RPS19: variants seen among roughly 807,000 people sequenced by gnomAD.
RPS19 encodes the protein small ribosomal subunit protein eS19.
A neutral mutation model predicts 20.3 loss-of-function variants in RPS19; 1 was observed. The ratio of observed to expected loss-of-function variants is 0.05; its 90% CI spans 0.02 to 0.23. The LOEUF (loss-of-function observed/expected upper bound fraction) is 0.23. RPS19 is among the 10% of genes least tolerant of loss of function. RPS19 has a pLI of 1.00. For missense variants in RPS19, 111 were observed against 192.7 expected (o/e 0.58, Z 2.51); for synonymous variants, 87 against 74.8 (o/e 1.16, Z -0.84).
chr19:41,871,490 C>T lies in RPS19; in HGVS notation c.*113C>T, dbSNP rs1555842030. The stretch of plus-strand genomic sequence containing the variant: ...GGAGTGCAGTGGCGCCATCTCAGCT[C>T]ACTGCAATCTCCGCCTTCTGGGTTC... On this transcript the variant is annotated 3_prime_UTR_variant, in exon 6 of 6. Coordinates refer to ENST00000598742, the MANE Select transcript of RPS19 (RefSeq NM_001022.4). 4 of 889,266 alleles carry T rather than the reference C, an allele frequency of 4.5e-6. No individual in the cohort carries two copies. In the Admixed American group the frequency reaches 7.3e-5, roughly 16 times the overall value. 55.1% of individuals were successfully genotyped at this position (889,266 alleles called of 1,614,324 possible). A position where few individuals can be genotyped will look rare whatever the true frequency, so the allele number is the denominator to read the frequency against.
At chr19:41,869,623 C>T in intron 4 of RPS19, 76 bp from the exon 5 acceptor site, 1 of 1,530,404 alleles carries the variant, frequency 6.5e-7, no homozygotes. Flanking sequence ...AGAAGCCTGG[C>T]TCACAGCCAG....
At position 41,871,811 on chromosome 19, in the gene RPS19, T is replaced by C; in HGVS notation, c.*434T>C. 8.9e-6 allele frequency: 2 copies of C among 224,410 alleles called. No individual in the cohort carries two copies. The highest frequency in any genetic ancestry group is 1.8e-5 in the Non-Finnish European group (2 of 110,340). 13.9% of individuals were successfully genotyped at this position (224,410 alleles called of 1,614,324 possible). On this transcript the variant is annotated 3_prime_UTR_variant, in exon 6 of 6. Coordinates refer to ENST00000598742, the MANE Select transcript of RPS19 (RefSeq NM_001022.4). ...TGTCAGAAAGTGAGAAACGAAAGGA[T>C]GGCTGTGAGCTGTGACCTCAGCTGG...
rs1302260866 is a variant in RPS19, at chr19:41,869,203, G to A, written c.345G>A (p.Lys115=). The change falls in exon 4 of 6, where the codon AAG becomes AAA. Residue 115 remains lysine (K), a synonymous_variant. Coordinates refer to ENST00000598742, the MANE Select transcript of RPS19 (RefSeq NM_001022.4). ...QALEGLKMVE[K]DQDGGRKLTP... ...TGGAGGGGCTGAAAATGGTGGAAAA[G>A]GACCAAGATGGGTAAGCAGGGTAGA... The A allele has an allele frequency of 6.2e-7, 1 of 1,613,440 alleles. No homozygotes were observed. The highest frequency in any genetic ancestry group is 8.5e-7 in the Non-Finnish European group (1 of 1,179,782).
intron 3 of RPS19, chr19:41,864,112 A>G (rs1455527265): frequency 2.0e-5 from 3 of 152,164 alleles, no homozygotes; most frequent in Non-Finnish European, 4.4e-5. Context: ...AAGTGCTGGG[A>G]TTACAGGCAT....
chr19:41,862,326 C>G (rs2074040593), intron 3 of RPS19, among the ~76,000 whole-genome samples: 1 of 152,180 alleles, frequency 6.6e-6, no homozygotes, highest in African/African-American at 2.4e-5. Context: ...TCAGCCGCGG[C>G]CTCTGAGGAC....
rs1212559488 is a variant in RPS19 at position 41,872,855 on chromosome 19, A to G, written c.*1478A>G. ...GGTTGCAGTGGGTTGAGATCGAGCA[A>G]TTGCAATCCAGCCTGGGCAACAGAG... On this transcript the variant is annotated 3_prime_UTR_variant, in exon 6 of 6. Transcript: ENST00000598742. The G allele has an allele frequency of 6.6e-6, 1 of 152,212 alleles. No homozygotes were observed. The highest frequency in any genetic ancestry group is 1.5e-5 in the Non-Finnish European group (1 of 68,040). 9.4% of individuals were successfully genotyped at this position (152,212 alleles called of 1,614,324 possible). A position where few individuals can be genotyped will look rare whatever the true frequency, so the allele number is the denominator to read the frequency against.
chr19:41,862,245 A>G (rs1181762453), intron 3 of RPS19, among the ~76,000 whole-genome samples: 1 of 152,208 alleles, frequency 6.6e-6, no homozygotes, highest in Non-Finnish European at 1.5e-5. Context: ...TTTGTGGTAC[A>G]CTTGTGCCTC....
At chr19:41,869,519 C>T in intron 4 of RPS19, 180 bp from the exon 5 acceptor site, 1 of 646,292 alleles carries the variant, frequency 1.5e-6, no homozygotes, top group Non-Finnish European at 2.7e-6. Context: ...ACCCCGTCAG[C>T]TCCCAGGGGG....
intron 3 of RPS19, among the ~76,000 whole-genome samples, chr19:41,866,535 G>T (rs953290543): frequency 6.6e-6 from 1 of 152,176 alleles, no homozygotes; most frequent in Non-Finnish European, 1.5e-5. Flanking sequence ...AGTGGCGTAG[G>T]GGGTAGGGCC....
rs116786867 is a variant in RPS19, at chr19:41,861,268, A to G, written c.172+56A>G. 5.2e-4 allele frequency: 662 copies of G among 1,271,802 alleles called. 3 individuals carry two copies. Among genetic ancestry groups the G allele is most frequent in the African/African-American group, 3.9e-3 (266 of 68,282 alleles). The allele number at this position is 1,271,802 out of a possible 1,614,324, so 78.8% of individuals were successfully genotyped here. ...GGGGAGCTGGGTGACCCCTGGCACA[A>G]ACCATACTTCCCTGTCTCCTCTGAG... On this transcript the variant is annotated intron_variant, in intron 3 of 5. Coordinates refer to ENST00000598742, the MANE Select transcript of RPS19 (RefSeq NM_001022.4).
intron 1 of RPS19, chr19:41,860,568 CTG>C: frequency 3.1e-6 from 2 of 637,410 alleles, no homozygotes; most frequent in Non-Finnish European, 5.7e-6. Context: ...GGGCCGGGCT[CTG>C]TTAGTGCGAT....
At chr19:41,864,712 A>G (rs2074067142) in intron 3 of RPS19, 2 of 152,298 alleles carry the variant, frequency 1.3e-5, no homozygotes, top group African/African-American at 4.8e-5. Context: ...GTGGGTTGCC[A>G]TCCCAAGAAT....
At chr19:41,865,381 AC>A (rs1391257841) in intron 3 of RPS19, among the ~76,000 whole-genome samples, 2 of 148,070 alleles carry the variant, frequency 1.4e-5, no homozygotes, top group Non-Finnish European at 3.0e-5. Flanking sequence ...AAAAAAAAGC[AC>A]CTAATAGGCC....
intron 3 of RPS19, among the ~76,000 whole-genome samples, chr19:41,861,797 C>G (rs1401165226): frequency 6.6e-6 from 1 of 152,172 alleles, no homozygotes; most frequent in Non-Finnish European, 1.5e-5. Context: ...GAGATCTGGC[C>G]AGGTCAGTCC....
intron 4 of RPS19, 102 bp from the exon 5 acceptor site, chr19:41,869,597 G>T: frequency 7.8e-7 from 1 of 1,289,366 alleles, no homozygotes. Context: ...CTTGGCTGGC[G>T]GCAGGTGGCT....
Position 41,861,225 on chromosome 19 carries a change from G to GGTCT in RPS19, c.172+14_172+17dup. ...TACACGCGAGCTGGTGAGGAACTTAGGTCTTTGGCTGGAGAGTGGGGAGCT... is the reference window on the plus strand; with the variant it reads ...TACACGCGAGCTGGTGAGGAACTTAGGTCTGTCTTTGGCTGGAGAGTGGGGAGCT... On this transcript the variant is annotated intron_variant, in intron 3 of 5. Coordinates refer to ENST00000598742, the MANE Select transcript of RPS19 (RefSeq NM_001022.4). The GGTCT allele has an allele frequency of 6.2e-7, 1 of 1,604,276 alleles. No homozygotes were observed. Among genetic ancestry groups the GGTCT allele is most frequent in the Non-Finnish European group, 8.5e-7 (1 of 1,171,172 alleles).
chr19:41,869,530 G>C, intron 4 of RPS19, 169 bp from the exon 5 acceptor site: 1 of 673,378 alleles, frequency 1.5e-6, no homozygotes, highest in African/African-American at 1.8e-5. Context: ...TCCCAGGGGG[G>C]CTCCCACTAC....
At chr19:41,866,748 G>C (rs1240130147) in intron 3 of RPS19, among the ~76,000 whole-genome samples, 1 of 152,088 alleles carries the variant, frequency 6.6e-6, no homozygotes, top group Non-Finnish European at 1.5e-5. Flanking sequence ...CGGGTGCGGT[G>C]GCTCAACCCT....
chr19:41,871,869 A>G lies in RPS19; in HGVS notation c.*492A>G, dbSNP rs2074152756. 1 of 187,502 alleles carries G rather than the reference A, an allele frequency of 5.3e-6. No individual in the cohort carries two copies. Among genetic ancestry groups the G allele is most frequent in the African/African-American group, 2.4e-5 (1 of 42,032 alleles). The allele number at this position is 187,502 out of a possible 1,614,324, so 11.6% of individuals were successfully genotyped here. ...CTGCAGAGGTGGCTTCCGCTGGAGT[A>G]AAGCAAGAGGGCCCAGGGTTCATGC... is the stretch of plus-strand genomic sequence containing the variant. On this transcript the variant is annotated 3_prime_UTR_variant, in exon 6 of 6. Transcript: ENST00000598742.
Sources: allele counts gnomAD v4.1 joint callset (sites outside exome capture counted in the v4.1 genomes callset), GRCh38; gene constraint gnomAD v4.1.1; transcripts MANE v1.5; gene names NCBI Gene and HGNC (gene_info 2026-07-23, HGNC 2026-07-21).